Variants in ANO10 observed in about 807,000 individuals in gnomAD.
ANO10 encodes the protein anoctamin-10.
In ANO10, 77 loss-of-function variants were observed where a neutral mutation model predicts 74.7. The observed-to-expected ratio is 1.03, with a 90% CI of 0.86 to 1.25. The LOEUF (loss-of-function observed/expected upper bound fraction) is 1.25. Ranked by LOEUF, ANO10 falls within the 50% of genes most tolerant of loss-of-function variation. The probability of loss-of-function intolerance (pLI) is 0.00; values close to 1 mark genes in which losing one functional copy is unlikely to be tolerated. For missense variants in ANO10, 721 were observed against 778.1 expected (o/e 0.93, Z 0.87); for synonymous variants, 279 against 284.9 (o/e 0.98, Z 0.21).
intron 1 of ANO10, among the ~76,000 whole-genome samples, chr3:43,651,389 A>AGCT (rs1429949427): frequency 2.6e-5 from 4 of 152,218 alleles, no homozygotes; most frequent in African/African-American, 9.6e-5. Context: ...CTCTGAGAAC[A>AGCT]GCTGCTGTGT....
intron 4 of ANO10, among the ~76,000 whole-genome samples, chr3:43,597,005 A>G (rs529938583): frequency 2.0e-5 from 3 of 152,376 alleles, no homozygotes; most frequent in African/African-American, 7.2e-5. Flanking sequence ...CAACAGACAC[A>G]TGAAAAAATG....
chr3:43,577,004 G>A lies in ANO10; in HGVS notation c.850C>T (p.Pro284Ser). The A allele has an allele frequency of 6.2e-7, 1 of 1,613,736 alleles. No homozygotes were observed. Among genetic ancestry groups the A allele is most frequent in the Non-Finnish European group, 8.5e-7 (1 of 1,179,686 alleles). The change falls in exon 6 of 13, where the codon CCC (proline) becomes TCC (serine). Residue 284 changes from proline (P) to serine (S), a missense_variant. By Grantham distance (74) the Pro-to-Ser change is moderately conservative. Coordinates refer to ENST00000292246, the MANE Select transcript of ANO10 (RefSeq NM_018075.5). The part of the protein sequence containing the change: ...TLLMKRKFEE[P>S]RPGFHGVLGI... Reference sequence around the variant, plus strand: ...AAGACACCATGAAATCCTGGCCGGGGCTCCTCAAACTTTCTCTTCATGAGC... The same window carrying A: ...AAGACACCATGAAATCCTGGCCGGGACTCCTCAAACTTTCTCTTCATGAGC...
chr3:43,400,924 G>C (rs1174264145), intron 12 of ANO10, among the ~76,000 whole-genome samples: 2 of 152,206 alleles, frequency 1.3e-5, no homozygotes, highest in Non-Finnish European at 1.5e-5. Flanking sequence ...ACTTTGTCAA[G>C]ACGCAAGCCT....
At chr3:43,404,908 AGAAAG>A (rs1169195091) in intron 12 of ANO10, among the ~76,000 whole-genome samples, 3 of 151,154 alleles carry the variant, frequency 2.0e-5, no homozygotes, top group African/African-American at 4.9e-5. Context: ...ACCAAAAAAC[AGAAAG>A]GAAAAGAAAA....
intron 12 of ANO10, among the ~76,000 whole-genome samples, chr3:43,374,238 T>C (rs1180921125): frequency 6.6e-6 from 1 of 152,244 alleles, no homozygotes; most frequent in Non-Finnish European, 1.5e-5. Context: ...CAAAACCTCT[T>C]TTTAACCTCC....
At chr3:43,438,820 C>A (rs1482831776) in intron 11 of ANO10, among the ~76,000 whole-genome samples, 2 of 150,572 alleles carry the variant, frequency 1.3e-5, no homozygotes, top group African/African-American at 4.9e-5. Flanking sequence ...TCAGTGAACT[C>A]AAAGATAGGT....
At chr3:43,609,089 A>T (rs550294046) in intron 1 of ANO10, among the ~76,000 whole-genome samples, 1 of 152,344 alleles carries the variant, frequency 6.6e-6, no homozygotes, top group South Asian at 2.1e-4. Flanking sequence ...ATTCTATGTA[A>T]TCTTCCTAAA....
At chr3:43,661,579 C>A (rs569175262) in intron 1 of ANO10, among the ~76,000 whole-genome samples, 8 of 152,222 alleles carry the variant, frequency 5.3e-5, no homozygotes, top group African/African-American at 1.9e-4. Context: ...TGTAAATGGC[C>A]TAAATGCCCC....
chr3:43,547,064 T>C (rs1457472657), intron 11 of ANO10, among the ~76,000 whole-genome samples: 1 of 152,112 alleles, frequency 6.6e-6, no homozygotes, highest in Non-Finnish European at 1.5e-5. Context: ...AAAGGATCCA[T>C]TAACTACAGG....
intron 11 of ANO10, among the ~76,000 whole-genome samples, chr3:43,494,500 T>C (rs904440459): frequency 6.6e-6 from 1 of 152,086 alleles, no homozygotes; most frequent in Non-Finnish European, 1.5e-5. Context: ...GTATGAGTAT[T>C]AGCAGAAAAA....
intron 12 of ANO10, among the ~76,000 whole-genome samples, chr3:43,399,170 CTT>C (rs1327362025): frequency 6.6e-6 from 1 of 152,196 alleles, no homozygotes; most frequent in Non-Finnish European, 1.5e-5. Context: ...ATGCGAAACA[CTT>C]AGAACAGTGT....
chr3:43,511,817 T>C (rs1245423985), intron 11 of ANO10, among the ~76,000 whole-genome samples: 1 of 152,196 alleles, frequency 6.6e-6, no homozygotes, highest in Non-Finnish European at 1.5e-5. Context: ...AAATCATGCC[T>C]GTGGGGTAAG....
At chr3:43,419,526 A>ATT (rs1435177940) in intron 12 of ANO10, among the ~76,000 whole-genome samples, 131 of 141,426 alleles carry the variant, frequency 9.3e-4, no homozygotes, top group Admixed American at 1.6e-3. Flanking sequence ...TATTTGTTGC[A>ATT]TTTTTTTTTT....
intron 1 of ANO10, among the ~76,000 whole-genome samples, chr3:43,643,745 G>A (rs1409978011): frequency 1.4e-5 from 2 of 145,988 alleles, no homozygotes; most frequent in Non-Finnish European, 1.5e-5. Flanking sequence ...GTGCAGTGGC[G>A]CAATCTCGGC....
intron 7 of ANO10, among the ~76,000 whole-genome samples, chr3:43,570,779 G>A (rs2080663820): frequency 7.0e-6 from 1 of 143,614 alleles, no homozygotes. Flanking sequence ...CATGGGCAAG[G>A]ACTTCATGTC....
At chr3:43,549,586 G>T in intron 11 of ANO10, 134 bp downstream of exon 11, 1 of 967,444 alleles carries the variant, frequency 1.0e-6, no homozygotes, top group Non-Finnish European at 1.7e-6. Flanking sequence ...TCTATTACTT[G>T]AACTGTTTTT....
intron 6 of ANO10, among the ~76,000 whole-genome samples, chr3:43,576,127 C>A (rs949496004): frequency 1.3e-5 from 2 of 152,218 alleles, no homozygotes; most frequent in Non-Finnish European, 2.9e-5. Flanking sequence ...ATGAACTCAA[C>A]AGCAGTCCTC....
intron 12 of ANO10, among the ~76,000 whole-genome samples, chr3:43,426,942 A>G (rs1234400360): frequency 6.6e-6 from 1 of 152,184 alleles, no homozygotes; most frequent in Non-Finnish European, 1.5e-5. Context: ...TGTTTTCAGT[A>G]CATTTCCTTC....
In ANO10 at chr3:43,647,128, CAGAACCA is replaced by C. The variant is rs372628787; in HGVS notation, c.-11-41272_-11-41266del. Among the ~76,000 whole-genome samples the C allele has an allele frequency of 4.2e-3, 618 of 147,438 alleles. 6 individuals are homozygous for C. The highest frequency in any genetic ancestry group is 0.015 in the African/African-American group (586 of 40,022). ...TATTAGTGTGGATTCTTCAAAGAAC[CAGAACCA>C]AAAAGATATGTGTATATATGTGTGT... On this transcript the variant is annotated intron_variant, in intron 1 of 3. Transcript: ENST00000413397.
Sources: allele counts gnomAD v4.1 joint callset (sites outside exome capture counted in the v4.1 genomes callset), GRCh38; gene constraint gnomAD v4.1.1; transcripts MANE v1.5; gene names NCBI Gene and HGNC (gene_info 2026-07-23, HGNC 2026-07-21).